MARK4: variants seen among roughly 807,000 people sequenced by gnomAD.
MARK4 encodes the protein MAP/microtubule affinity-regulating kinase 4.
In MARK4, 19 loss-of-function variants were observed where a neutral mutation model predicts 81.5. That is an observed-to-expected ratio of 0.23 (90% CI 0.16 to 0.34). MARK4 has a LOEUF of 0.34. MARK4 is among the 10% of genes least tolerant of loss of function. The pLI, the probability that MARK4 is intolerant of heterozygous loss-of-function variation, is 1.00. For missense variants in MARK4, 772 were observed against 1,058.8 expected (o/e 0.73, Z 3.76); for synonymous variants, 436 against 439.0 (o/e 0.99, Z 0.08).
chr19:45,296,363 C>G (rs1599804076), intron 14 of MARK4, among the ~76,000 whole-genome samples: 1 of 152,216 alleles, frequency 6.6e-6, no homozygotes, highest in African/African-American at 2.4e-5. Flanking sequence ...TCCAAGGACC[C>G]AGGTAAGTTC....
rs1181429058 is a variant in MARK4 at position 45,271,911 on chromosome 19, C to A, written c.786+203C>A. 6.6e-6 allele frequency among the ~76,000 whole-genome samples: 1 copy of A among 152,226 alleles called. No homozygotes were observed. Among genetic ancestry groups the A allele is most frequent in the African/African-American group, 2.4e-5 (1 of 41,458 alleles). On this transcript the variant is annotated intron_variant, in intron 8 of 16. Transcript: ENST00000262891. The surrounding 1 kb of genome is among the most constrained non-coding windows in gnomAD (Gnocchi z 4.1). Reference sequence around the variant, plus strand: ...GCCATGCTGGGGTTAAGGGCATGATCTTTGCAGCTGATAGGCTTGAGTTCA... The same window carrying A: ...GCCATGCTGGGGTTAAGGGCATGATATTTGCAGCTGATAGGCTTGAGTTCA...
At chr19:45,294,578 C>T (rs1418779032) in intron 14 of MARK4, 126 bp downstream of exon 14, 10 of 802,858 alleles carry the variant, frequency 1.2e-5, no homozygotes, top group Non-Finnish European at 1.8e-5. Context: ...AGTGTATCTG[C>T]CCTGCCCTTG....
In MARK4 at chr19:45,302,440, G is replaced by A. The variant is rs1021283262; in HGVS notation, c.1989G>A (p.Lys663=). ...TGCTCCGATTCCCCTGGAGTGTGAA[G>A]CTGACCAGCTCGCGCCCTCCTGAGG... ...PRLLRFPWSV[K]LTSSRPPEAL... The change falls in exon 17 of 17, where the codon AAG becomes AAA. Residue 663 remains lysine (K), a synonymous_variant. Coordinates refer to ENST00000262891, the MANE Select transcript of MARK4 (RefSeq NM_001199867.2). This position sits in a 1 kb window ranked among gnomAD's most constrained non-coding sequence, Gnocchi z 4.9. The A allele has an allele frequency of 2.5e-6, 4 of 1,613,854 alleles. No homozygotes were observed. Among genetic ancestry groups the A allele is most frequent in the Non-Finnish European group, 2.5e-6 (3 of 1,179,962 alleles).
intron 6 of MARK4, among the ~76,000 whole-genome samples, chr19:45,265,411 G>A (rs1297463967): frequency 2.0e-5 from 3 of 151,974 alleles, no homozygotes; most frequent in Admixed American, 1.3e-4. Context: ...AGGGCATGCC[G>A]GTATGTGGGT....
chr19:45,300,075 G>A (rs2123114167), intron 16 of MARK4, among the ~76,000 whole-genome samples: 1 of 152,328 alleles, frequency 6.6e-6, no homozygotes, highest in South Asian at 2.1e-4. Flanking sequence ...CCGGCTGGGT[G>A]CCATGGCCCA....
rs536662686 is a variant in MARK4 at position 45,289,156 on chromosome 19, G to A, written c.1494+1492G>A. Among the ~76,000 whole-genome samples, 138 of 151,830 alleles carry A rather than the reference G, an allele frequency of 9.1e-4. 1 individual carries two copies. Among genetic ancestry groups the A allele is most frequent in the African/African-American group, 2.8e-3 (118 of 41,406 alleles). ...TATAATCCCAGCACTTTGGGAGTCC[G>A]AGGAGGGTGGATCATGAGGTCAAGA... On this transcript the variant is annotated intron_variant, in intron 13 of 16. Coordinates refer to ENST00000262891, the MANE Select transcript of MARK4 (RefSeq NM_001199867.2).
Position 45,251,466 on chromosome 19 carries a change from G to A in MARK4, c.-123G>A, listed in dbSNP as rs553912449. 28 of 551,854 alleles carry A rather than the reference G, an allele frequency of 5.1e-5. No individual in the cohort carries two copies. The highest frequency in any genetic ancestry group is 3.8e-4 in the South Asian group (14 of 37,238). 34.2% of individuals were successfully genotyped at this position (551,854 alleles called of 1,614,324 possible). The stretch of plus-strand genomic sequence containing the variant: ...CCTCTCCCGCCGCGCGGACCCGGGC[G>A]TTCTCGGCGCCCAGCTTTTGAGCTC... On this transcript the variant is annotated 5_prime_UTR_variant, in exon 1 of 17. Coordinates refer to ENST00000262891, the MANE Select transcript of MARK4 (RefSeq NM_001199867.2).
At chr19:45,281,896 C>T (rs947518442) in intron 12 of MARK4, among the ~76,000 whole-genome samples, 3 of 152,114 alleles carry the variant, frequency 2.0e-5, no homozygotes, top group Non-Finnish European at 4.4e-5. Flanking sequence ...CTGCAACTGA[C>T]AGACATCTCA....
chr19:45,298,153 G>C (rs1006114375), intron 15 of MARK4, 199 bp downstream of exon 15: 4 of 1,612,878 alleles, frequency 2.5e-6, no homozygotes, highest in Non-Finnish European at 3.4e-6. Context: ...GGTTACCCTC[G>C]ATCCCTCTAA....
In MARK4 at chr19:45,296,912, T is replaced by C. The variant is rs1970894748; in HGVS notation, c.1599-764T>C. Among the ~76,000 whole-genome samples, 4 of 152,136 alleles carry C rather than the reference T, an allele frequency of 2.6e-5. No homozygotes were observed. The South Asian group carries it at 8.3e-4, about 32-fold the overall frequency. On this transcript the variant is annotated intron_variant, in intron 14 of 16. Coordinates refer to ENST00000262891, the MANE Select transcript of MARK4 (RefSeq NM_001199867.2). ...TGAAAATACATAAACTACCCAGGCG[T>C]GGTGCTGCATGCCTATAGTCCCAGC...
At chr19:45,281,614 C>G (rs1970675838) in intron 12 of MARK4, among the ~76,000 whole-genome samples, 1 of 152,132 alleles carries the variant, frequency 6.6e-6, no homozygotes, top group South Asian at 2.1e-4. Context: ...CCACCTCAGC[C>G]TCCCAAGGTA....
chr19:45,278,173 G>A, intron 9 of MARK4, 131 bp downstream of exon 9: 1 of 1,335,866 alleles, frequency 7.5e-7, no homozygotes, highest in Non-Finnish European at 1.0e-6. Flanking sequence ...TCTGCTGCTG[G>A]TGAGTGGGGG....
intron 2 of MARK4, among the ~76,000 whole-genome samples, chr19:45,259,717 G>A (rs1019588174): frequency 2.6e-5 from 4 of 152,126 alleles, no homozygotes; most frequent in Non-Finnish European, 4.4e-5. Flanking sequence ...TGAGGCTGCG[G>A]TGAGGTGTGA....
At chr19:45,258,897 G>A in intron 1 of MARK4, 92 bp from the exon 2 acceptor site, 4 of 1,385,986 alleles carry the variant, frequency 2.9e-6, no homozygotes, top group Middle Eastern at 2.6e-4. Flanking sequence ...GCCACGGAGG[G>A]GCCGGTAGCC....
At chr19:45,277,670 G>T (rs1014473161) in intron 8 of MARK4, among the ~76,000 whole-genome samples, 10 of 151,968 alleles carry the variant, frequency 6.6e-5, no homozygotes, top group South Asian at 2.1e-4. Context: ...GCCTGGCCAA[G>T]AATTTTTTTT....
intron 1 of MARK4, among the ~76,000 whole-genome samples, chr19:45,254,158 G>T (rs1970278637): frequency 6.6e-6 from 1 of 152,168 alleles, no homozygotes; most frequent in Non-Finnish European, 1.5e-5. Context: ...CCCACCAGGG[G>T]GCCAGCCTCC....
At chr19:45,276,650 G>A (rs1448199115) in intron 8 of MARK4, among the ~76,000 whole-genome samples, 3 of 147,846 alleles carry the variant, frequency 2.0e-5, no homozygotes, top group Non-Finnish European at 3.0e-5. Flanking sequence ...TTTTGAGATG[G>A]AGTCTTGCTC....
At chr19:45,282,631 G>T (rs1464067536) in intron 12 of MARK4, among the ~76,000 whole-genome samples, 2 of 152,080 alleles carry the variant, frequency 1.3e-5, no homozygotes, top group Non-Finnish European at 2.9e-5. Flanking sequence ...TTCAAGACCA[G>T]CCTGGCCAAG....
chr19:45,292,435 G>C (rs1278219097), intron 13 of MARK4, among the ~76,000 whole-genome samples: 1 of 152,152 alleles, frequency 6.6e-6, no homozygotes, highest in East Asian at 1.9e-4. Context: ...TAAAGAACCT[G>C]GGTCATTGTG....
Sources: allele counts gnomAD v4.1 joint callset (sites outside exome capture counted in the v4.1 genomes callset), GRCh38; gene constraint gnomAD v4.1.1; non-coding constraint Gnocchi (gnomAD v3.1); transcripts MANE v1.5; gene names NCBI Gene and HGNC (gene_info 2026-07-23, HGNC 2026-07-21).